The following B4GALNT3 variants were observed in gnomAD, a reference collection of about 807,000 sequenced individuals.
The protein encoded by B4GALNT3 is beta-1,4-N-acetyl-galactosaminyltransferase 3.
A neutral mutation model predicts 120.2 loss-of-function variants in B4GALNT3; 86 were observed. That is an observed-to-expected ratio of 0.72 (90% CI 0.60 to 0.86). The LOEUF is 0.86. Among genes scored for constraint, B4GALNT3 ranks in the 40% least tolerant of loss-of-function variants. The probability of loss-of-function intolerance (pLI) is 0.00; values close to 1 mark genes in which losing one functional copy is unlikely to be tolerated. For synonymous variants in B4GALNT3, 518 were observed against 510.4 expected (o/e 1.01, Z -0.20); for missense variants, 1,167 against 1,298.9 (o/e 0.90, Z 1.56).
chr12:561,575 A>G lies in B4GALNT3; in HGVS notation c.*124A>G. 4 of 722,320 alleles carry G rather than the reference A, an allele frequency of 5.5e-6. No homozygotes were observed. The highest frequency in any genetic ancestry group is 9.1e-6 in the Non-Finnish European group (4 of 439,356). 44.7% of individuals were successfully genotyped at this position (722,320 alleles called of 1,614,324 possible). ...TGGACCCCAAGAGGCCTCGAAGCTGACGGCCCACTCCACCTGGAGCTGTCC... is the reference window on the plus strand; with the variant it reads ...TGGACCCCAAGAGGCCTCGAAGCTGGCGGCCCACTCCACCTGGAGCTGTCC... On this transcript the variant is annotated 3_prime_UTR_variant, in exon 20 of 20. Coordinates refer to ENST00000266383, the MANE Select transcript of B4GALNT3 (RefSeq NM_173593.4).
intron 1 of B4GALNT3, among the ~76,000 whole-genome samples, chr12:484,752 C>G (rs1946273865): frequency 6.9e-6 from 1 of 145,662 alleles, no homozygotes; most frequent in East Asian, 2.0e-4. Flanking sequence ...GGAAAAGAAA[C>G]AGAGAAGGAA....
chr12:473,321 T>C (rs758109455), intron 1 of B4GALNT3, among the ~76,000 whole-genome samples: 5 of 152,124 alleles, frequency 3.3e-5, no homozygotes, highest in Admixed American at 2.6e-4. Flanking sequence ...GTAGGTTGAT[T>C]AGGCTGTTGG....
chr12:554,055 C>T, intron 14 of B4GALNT3, 72 bp downstream of exon 14: 1 of 1,084,682 alleles, frequency 9.2e-7, no homozygotes, highest in Non-Finnish European at 1.4e-6. Flanking sequence ...AGGCAGGGGC[C>T]TAAGGGCTGG....
chr12:480,441 T>C (rs1201293276), intron 1 of B4GALNT3, among the ~76,000 whole-genome samples: 1 of 147,626 alleles, frequency 6.8e-6, no homozygotes, highest in African/African-American at 2.6e-5. Context: ...GTGTGGTTCC[T>C]GAGGTCCCTC....
intron 1 of B4GALNT3, among the ~76,000 whole-genome samples, chr12:511,321 G>GAGCTTCCA (rs1946551147): frequency 6.5e-5 from 1 of 15,394 alleles, no homozygotes; most frequent in Non-Finnish European, 1.2e-4. Context: ...TCCGCCTTCT[G>GAGCTTCCA]CCTTCCACCT....
At chr12:511,482 T>C (rs1182610686) in intron 1 of B4GALNT3, among the ~76,000 whole-genome samples, 1 of 66,210 alleles carries the variant, frequency 1.5e-5, no homozygotes, top group African/African-American at 1.0e-4. Flanking sequence ...TCTTCCACCT[T>C]CTTCCACCTT....
chr12:535,246 C>G lies in B4GALNT3; in HGVS notation c.250C>G (p.His84Asp). The G allele has an allele frequency of 6.2e-7, 1 of 1,613,992 alleles. No homozygotes were observed. The highest frequency in any genetic ancestry group is 8.5e-7 in the Non-Finnish European group (1 of 1,179,982). The change falls in exon 2 of 20, where the codon CAT (histidine) becomes GAT (aspartate). Residue 84 changes from histidine to aspartate, a missense_variant. Coordinates refer to ENST00000266383, the MANE Select transcript of B4GALNT3 (RefSeq NM_173593.4). ...TGTGGATCCACACCTCCAGTTCTAC[C>G]ATCCCCAGAGGCTGAGCCTCGAGGT... The part of the protein sequence containing the change: ...PAVDPHLQFY[H>D]PQRLSLEDHD...
Position 556,795 on chromosome 12 carries a change from A to G in B4GALNT3, c.2309A>G (p.Gln770Arg). The change falls in exon 15 of 20, where the codon CAA becomes CGA. Residue 770 changes from glutamine (Q) to arginine (R), a missense_variant. Physicochemically the swap from Gln to Arg is conservative, Grantham distance 43. Coordinates refer to ENST00000266383, the MANE Select transcript of B4GALNT3 (RefSeq NM_173593.4). ...AGACAGGTCCTGAATACCCGGGCCC[A>G]AGAGCCCAAGCTGTGCTGGCCTCAG... ...RRRQVLNTRA[Q>R]EPKLCWPQGF... 6.2e-7 allele frequency: 1 copy of G among 1,613,864 alleles called. No individual in the cohort carries two copies. Among genetic ancestry groups the G allele is most frequent in the South Asian group, 1.1e-5 (1 of 91,076 alleles).
chr12:532,899 A>T (rs567596890), intron 1 of B4GALNT3, among the ~76,000 whole-genome samples: 1 of 152,312 alleles, frequency 6.6e-6, no homozygotes, highest in South Asian at 2.1e-4. Flanking sequence ...ACAGTCAAGG[A>T]CTTTGGCTGA....
chr12:479,412 G>A (rs2120464980), intron 1 of B4GALNT3, among the ~76,000 whole-genome samples: 1 of 152,226 alleles, frequency 6.6e-6, no homozygotes, highest in South Asian at 2.1e-4. Flanking sequence ...TGTTGTTCTT[G>A]GACTGCCAAA....
chr12:523,052 C>A (rs1394776334), intron 1 of B4GALNT3, among the ~76,000 whole-genome samples: 2 of 151,996 alleles, frequency 1.3e-5, no homozygotes, highest in Non-Finnish European at 2.9e-5. Flanking sequence ...AGAAAGCATT[C>A]CCTAAAGAAA....
At chr12:513,973 G>A (rs1234990877) in intron 1 of B4GALNT3, among the ~76,000 whole-genome samples, 3 of 152,170 alleles carry the variant, frequency 2.0e-5, no homozygotes, top group African/African-American at 7.2e-5. Context: ...ATGGACATTT[G>A]CATTGTTTCC....
At chr12:469,019 T>A (rs143876687) in intron 1 of B4GALNT3, among the ~76,000 whole-genome samples, 208 of 152,302 alleles carry the variant, frequency 1.4e-3, no homozygotes, top group African/African-American at 4.6e-3. Flanking sequence ...TATTCTGCAG[T>A]TTTTATTTAT....
chr12:540,932 A>G (rs1460701241), intron 3 of B4GALNT3, among the ~76,000 whole-genome samples: 1 of 151,944 alleles, frequency 6.6e-6, no homozygotes. Flanking sequence ...TTTAGTAGAG[A>G]TGGGGTTTCA....
intron 1 of B4GALNT3, among the ~76,000 whole-genome samples, chr12:504,404 A>G (rs1357240870): frequency 6.7e-6 from 1 of 150,326 alleles, no homozygotes; most frequent in Admixed American, 6.6e-5. Flanking sequence ...CTATACAATC[A>G]TGAAACGTGT....
At chr12:512,137 ACCTTCCACCTTCCGCCTTCCG>A (rs1240128812) in intron 1 of B4GALNT3, among the ~76,000 whole-genome samples, 4,338 of 54,306 alleles carry the variant, frequency 0.08, 424 homozygotes, top group Non-Finnish European at 0.096. Context: ...TCCACCTTCC[ACCTTCCACCTTCCGCCTTCCG>A]CCTTCCACCT....
At chr12:499,282 T>G (rs1474173599) in intron 1 of B4GALNT3, among the ~76,000 whole-genome samples, 3 of 152,270 alleles carry the variant, frequency 2.0e-5, no homozygotes, top group African/African-American at 7.2e-5. Context: ...GAAGCAGATA[T>G]AAGTGTGAAC....
At chr12:470,502 C>T (rs974244438) in intron 1 of B4GALNT3, among the ~76,000 whole-genome samples, 7 of 152,226 alleles carry the variant, frequency 4.6e-5, no homozygotes, top group African/African-American at 1.7e-4. Flanking sequence ...GGAGGATTCC[C>T]TCATGGACCA....
chr12:473,825 A>G (rs1946159373), intron 1 of B4GALNT3, among the ~76,000 whole-genome samples: 1 of 152,002 alleles, frequency 6.6e-6, no homozygotes, highest in Admixed American at 6.5e-5. Context: ...AGGAAGAGAC[A>G]GAGGATAATC....
Sources: allele counts gnomAD v4.1 joint callset (sites outside exome capture counted in the v4.1 genomes callset), GRCh38; gene constraint gnomAD v4.1.1; transcripts MANE v1.5; gene names NCBI Gene and HGNC (gene_info 2026-07-23, HGNC 2026-07-21).